Variants in SNTG2 observed in about 807,000 individuals in gnomAD.
SNTG2 encodes gamma-2-syntrophin.
A neutral mutation model predicts 70.9 loss-of-function variants in SNTG2; 74 were observed. The ratio of observed to expected loss-of-function variants is 1.04; its 90% confidence interval spans 0.86 to 1.27. The LOEUF (loss-of-function observed/expected upper bound fraction) is 1.27, where lower values mean the gene tolerates loss of function less well. Ranked by LOEUF, SNTG2 falls within the 50% of genes most tolerant of loss-of-function variation. SNTG2 has a pLI of 0.00. For synonymous variants in SNTG2, 278 were observed against 273.8 expected (o/e 1.02, Z -0.15); for missense variants, 717 against 690.7 (o/e 1.04, Z -0.43).
chr2:1,166,029 A>C (rs114751108), intron 7 of SNTG2, among the ~76,000 whole-genome samples: 2,009 of 152,318 alleles, frequency 0.013, 46 homozygotes, highest in African/African-American at 0.046. Context: ...CATTTATGCT[A>C]TGAAGTCCCT....
intron 1 of SNTG2, among the ~76,000 whole-genome samples, chr2:976,000 G>A (rs559509659): frequency 6.6e-6 from 1 of 152,304 alleles, no homozygotes; most frequent in East Asian, 1.9e-4. Context: ...TCTTGGTTAC[G>A]TATAATTATG....
chr2:1,040,141 C>T (rs961765896), intron 1 of SNTG2, among the ~76,000 whole-genome samples: 3 of 152,214 alleles, frequency 2.0e-5, no homozygotes, highest in East Asian at 1.9e-4. Context: ...CTGCCACTTA[C>T]GCCTGCATCA....
Position 1,259,456 on chromosome 2 carries a change from C to T in SNTG2, c.1077+15C>T. ...AAGTTCACAAGGTAGGTATCTTTTG[C>T]ACTTCAGATGCTTTCATACAAATAA... On this transcript the variant is annotated intron_variant, in intron 13 of 16. Transcript: ENST00000308624. 1 of 1,605,838 alleles carries T rather than the reference C, an allele frequency of 6.2e-7. No homozygotes were observed. The highest frequency in any genetic ancestry group is 8.5e-7 in the Non-Finnish European group (1 of 1,172,556).
intron 14 of SNTG2, among the ~76,000 whole-genome samples, chr2:1,295,015 C>T (rs917125141): frequency 4.6e-5 from 7 of 152,186 alleles, no homozygotes; most frequent in African/African-American, 9.7e-5. Flanking sequence ...CGTTCACTCC[C>T]GCTGCGCTGA....
At chr2:1,041,744 C>T (rs1287237043) in intron 1 of SNTG2, among the ~76,000 whole-genome samples, 1 of 152,214 alleles carries the variant, frequency 6.6e-6, no homozygotes, top group Admixed American at 6.5e-5. Context: ...GCGTCCTACA[C>T]AGCCTGCAGA....
chr2:1,303,756 T>A (rs1680556387), intron 14 of SNTG2, among the ~76,000 whole-genome samples: 1 of 152,000 alleles, frequency 6.6e-6, no homozygotes, highest in African/African-American at 2.4e-5. Context: ...AGACAAAAAT[T>A]GAGAATGTAA....
In SNTG2 at chr2:979,443, T is replaced by G. The variant is rs10182786; in HGVS notation, c.72+28375T>G. 3.9e-4 allele frequency among the ~76,000 whole-genome samples: 60 copies of G among 152,140 alleles called. No homozygotes were observed. In the Middle Eastern group the frequency reaches 0.01, roughly 26 times the overall value. ...GGCAGGGTGGGGTTTGAAGGAGGAATGGGAGCTTGCCCGTCGGGCTGTGCC... is the reference window on the plus strand; with the variant it reads ...GGCAGGGTGGGGTTTGAAGGAGGAAGGGGAGCTTGCCCGTCGGGCTGTGCC... On this transcript the variant is annotated intron_variant, in intron 1 of 16. Coordinates refer to ENST00000308624, the MANE Select transcript of SNTG2 (RefSeq NM_018968.4).
chr2:1,257,408 G>A lies in SNTG2; in HGVS notation c.1006-1962G>A, dbSNP rs144276882. 5.2e-4 allele frequency among the ~76,000 whole-genome samples: 79 copies of A among 152,284 alleles called. No individual in the cohort carries two copies. The East Asian group carries it at 0.015, about 29-fold the overall frequency. On this transcript the variant is annotated intron_variant, in intron 12 of 16. Coordinates refer to ENST00000308624, the MANE Select transcript of SNTG2 (RefSeq NM_018968.4). ...GAAGGGATCCCCAGGGGGAGACACG[G>A]CCACTGGCAGGAGGAATAAACGAGT...
rs1239011910 is a variant in SNTG2 at position 1,186,259 on chromosome 2, A to G, written c.591+13076A>G. The stretch of plus-strand genomic sequence containing the variant: ...CTCAGCCTGGACTTCATTCACTATC[A>G]GCATTTTGGTCACAACTTAGCAAGT... On this transcript the variant is annotated intron_variant, in intron 8 of 16. Transcript: ENST00000308624. 1.3e-5 allele frequency among the ~76,000 whole-genome samples: 2 copies of G among 152,178 alleles called. 1 individual carries two copies. Among genetic ancestry groups the G allele is most frequent in the African/African-American group, 4.8e-5 (2 of 41,444 alleles).
At chr2:1,230,079 T>C (rs6733898) in intron 9 of SNTG2, among the ~76,000 whole-genome samples, 50,187 of 152,130 alleles carry the variant, frequency 0.33, 10,166 homozygotes, top group African/African-American at 0.58. Context: ...CCTCAAGTGC[T>C]GCCAAGGTGG....
At chr2:1,229,338 C>T (rs1419110499) in intron 9 of SNTG2, among the ~76,000 whole-genome samples, 5 of 152,156 alleles carry the variant, frequency 3.3e-5, no homozygotes, top group African/African-American at 9.7e-5. Flanking sequence ...CAAAAGTTCT[C>T]CAAGGCCCCA....
At chr2:1,283,993 G>A (rs1336021607) in intron 14 of SNTG2, among the ~76,000 whole-genome samples, 1 of 152,126 alleles carries the variant, frequency 6.6e-6, no homozygotes, top group Non-Finnish European at 1.5e-5. Context: ...GTAGATATTT[G>A]AAAGTCCCCG....
rs370968457 is a variant in SNTG2, at chr2:1,278,938, A to G, written c.1284+11367A>G. Among the ~76,000 whole-genome samples, 8 of 150,330 alleles carry G rather than the reference A, an allele frequency of 5.3e-5. No homozygotes were observed. The East Asian group carries it at 9.8e-4, about 18-fold the overall frequency. On this transcript the variant is annotated intron_variant, in intron 14 of 16. Coordinates refer to ENST00000308624, the MANE Select transcript of SNTG2 (RefSeq NM_018968.4). Reference sequence around the variant, plus strand: ...CCCCGGGACGCGAATCACCCCTGTCAGTGCGCGAATCACCCCTGTCAGTGC... The same window carrying G: ...CCCCGGGACGCGAATCACCCCTGTCGGTGCGCGAATCACCCCTGTCAGTGC...
At chr2:972,570 C>T (rs1341927127) in intron 1 of SNTG2, among the ~76,000 whole-genome samples, 1 of 152,144 alleles carries the variant, frequency 6.6e-6, no homozygotes. Flanking sequence ...TGTGTCCCCA[C>T]CCAAATCTCA....
intron 1 of SNTG2, among the ~76,000 whole-genome samples, chr2:1,083,064 G>C (rs938783164): frequency 1.3e-5 from 2 of 151,968 alleles, no homozygotes; most frequent in African/African-American, 2.4e-5. Context: ...CTTCCTCCTC[G>C]GCTGTCGTTA....
At chr2:1,273,052 C>T (rs987474213) in intron 14 of SNTG2, among the ~76,000 whole-genome samples, 3 of 152,176 alleles carry the variant, frequency 2.0e-5, no homozygotes, top group Non-Finnish European at 4.4e-5. Flanking sequence ...TTAGAGGAGC[C>T]GGTCACGCAC....
chr2:1,076,414 G>T (rs904591322), intron 1 of SNTG2, among the ~76,000 whole-genome samples: 6 of 152,148 alleles, frequency 3.9e-5, no homozygotes, highest in Non-Finnish European at 5.9e-5. Context: ...CAATGCCAGC[G>T]ATTCAGGGAA....
intron 7 of SNTG2, among the ~76,000 whole-genome samples, chr2:1,167,604 A>G (rs1401682538): frequency 2.7e-4 from 33 of 123,490 alleles, no homozygotes; most frequent in African/African-American, 9.3e-4. Flanking sequence ...CCGCCCACAG[A>G]CGGCAGAACT....
chr2:1,036,170 A>C (rs1030376229), intron 1 of SNTG2, among the ~76,000 whole-genome samples: 191 of 152,282 alleles, frequency 1.3e-3, no homozygotes, highest in Non-Finnish European at 1.5e-3. Flanking sequence ...ATTTGGTGTT[A>C]TTCTTTCATT....
Sources: allele counts gnomAD v4.1 joint callset (sites outside exome capture counted in the v4.1 genomes callset), GRCh38; gene constraint gnomAD v4.1.1; transcripts MANE v1.5; gene names NCBI Gene and HGNC (gene_info 2026-07-23, HGNC 2026-07-21).